TRAM2: variants seen among roughly 807,000 people sequenced by gnomAD.
TRAM2 encodes the protein translocation associated membrane protein 2.
In TRAM2, 12 loss-of-function variants were observed where a neutral mutation model predicts 51.0. That is an observed-to-expected ratio of 0.24 (90% CI 0.15 to 0.38). The LOEUF (loss-of-function observed/expected upper bound fraction) is 0.38. TRAM2 is among the 10% of genes least tolerant of loss of function. The pLI is 1.00. For missense variants in TRAM2, 361 were observed against 462.0 expected (o/e 0.78, Z 2.00); for synonymous variants, 175 against 179.4 (o/e 0.98, Z 0.20).
intron 2 of TRAM2, chr6:52,523,201 A>T: frequency 2.9e-6 from 1 of 348,706 alleles, no homozygotes; most frequent in Non-Finnish European, 5.1e-6. Flanking sequence ...ATTATTTTGA[A>T]TTTTTTACAC....
intron 2 of TRAM2, among the ~76,000 whole-genome samples, chr6:52,518,685 C>A (rs959551091): frequency 6.6e-6 from 1 of 152,058 alleles, no homozygotes; most frequent in Non-Finnish European, 1.5e-5. Context: ...GGGAGTCAGG[C>A]ACTGAACACC....
chr6:52,561,572 G>A (rs1054969390), intron 1 of TRAM2, among the ~76,000 whole-genome samples: 13 of 149,590 alleles, frequency 8.7e-5, no homozygotes, highest in South Asian at 2.2e-4. Context: ...TGCAAGCTCC[G>A]CCTCCCGGGT....
At position 52,500,422 on chromosome 6, in the gene TRAM2, G is replaced by A. The variant is rs532984806; in HGVS notation, c.*2775C>T. ...CCAGGGAGGGTGGCAGGGGGAGGGGGGTGACAAAGTACCCTACAACTACCC... is the reference window on the plus strand; with the variant it reads ...CCAGGGAGGGTGGCAGGGGGAGGGGAGTGACAAAGTACCCTACAACTACCC... On this transcript the variant is annotated 3_prime_UTR_variant, in exon 11 of 11. Coordinates refer to ENST00000182527, the MANE Select transcript of TRAM2 (RefSeq NM_012288.4). 2.0e-5 allele frequency: 3 copies of A among 152,132 alleles called. No individual in the cohort carries two copies. Among genetic ancestry groups the A allele is most frequent in the Non-Finnish European group, 4.4e-5 (3 of 67,994 alleles). 9.4% of individuals were successfully genotyped at this position (152,132 alleles called of 1,614,324 possible).
intron 2 of TRAM2, 106 bp downstream of exon 2, chr6:52,535,677 G>T (rs1022900790): frequency 1.0e-6 from 1 of 985,162 alleles, no homozygotes. Flanking sequence ...CAGAGACTCC[G>T]TCATGGGGGA....
At chr6:52,549,518 T>C (rs1767271718) in intron 1 of TRAM2, among the ~76,000 whole-genome samples, 1 of 152,210 alleles carries the variant, frequency 6.6e-6, no homozygotes, top group African/African-American at 2.4e-5. Flanking sequence ...AATTAAACAA[T>C]TAAATTTCAT....
chr6:52,564,590 T>C (rs1210807893), intron 1 of TRAM2, among the ~76,000 whole-genome samples: 3 of 152,048 alleles, frequency 2.0e-5, no homozygotes, highest in Non-Finnish European at 2.9e-5. Context: ...GTCCCTACCC[T>C]TCCCAGAGGG....
In TRAM2 at chr6:52,570,804, C is replaced by G. The variant is rs867576633; in HGVS notation, c.120+5992G>C. ...ATCCTCCCTGCCCACCACCCCCCCC[C>G]CCACACGCACACACACTCTGCCTCC... is the stretch of plus-strand genomic sequence containing the variant. On this transcript the variant is annotated intron_variant, in intron 1 of 10. Transcript: ENST00000182527. 5.9e-3 allele frequency among the ~76,000 whole-genome samples: 491 copies of G among 83,494 alleles called. 16 individuals carry two copies. Among genetic ancestry groups the G allele is most frequent in the African/African-American group, 0.019 (465 of 24,394 alleles). The allele number at this position is 83,494 out of a possible 152,430, so 54.8% of individuals were successfully genotyped here.
intron 2 of TRAM2, among the ~76,000 whole-genome samples, chr6:52,534,365 G>T (rs938940513): frequency 3.3e-5 from 5 of 152,188 alleles, no homozygotes; most frequent in African/African-American, 4.8e-5. Context: ...TGGGCAACAA[G>T]AGTGAAACTC....
intron 1 of TRAM2, among the ~76,000 whole-genome samples, chr6:52,554,660 A>G (rs1234756603): frequency 2.0e-5 from 3 of 152,136 alleles, no homozygotes; most frequent in Non-Finnish European, 2.9e-5. Context: ...AAATTTTTCA[A>G]ATTTTCACCA....
chr6:52,554,857 CTCCCAGCCTCAAAT>C (rs1767375897), intron 1 of TRAM2, among the ~76,000 whole-genome samples: 1 of 150,802 alleles, frequency 6.6e-6, no homozygotes, highest in Non-Finnish European at 1.5e-5. Flanking sequence ...CAGCCTCAAC[CTCCCAGCCTCAAAT>C]GATCCTCCTA....
intron 9 of TRAM2, 90 bp from the exon 10 acceptor site, chr6:52,504,844 C>T: frequency 8.0e-7 from 1 of 1,243,454 alleles, no homozygotes; most frequent in Non-Finnish European, 1.1e-6. Context: ...GCCAGGGGCC[C>T]TGCAGTTCCC....
rs1240366167 is a variant in TRAM2 at position 52,519,913 on chromosome 6, TGATTCG to T, written c.185-3182_185-3177del. Among the ~76,000 whole-genome samples the T allele has an allele frequency of 2.0e-5, 3 of 152,112 alleles. No homozygotes were observed. The East Asian group carries it at 5.8e-4, about 29-fold the overall frequency. ...CAGTCACAAAAGGACAAATACTGTATGATTCGATTTATATATGAGTTACCTAGACTA... is the reference window on the plus strand; with the variant it reads ...CAGTCACAAAAGGACAAATACTGTATATTTATATATGAGTTACCTAGACTA... On this transcript the variant is annotated intron_variant, in intron 2 of 10. Transcript: ENST00000182527.
intron 1 of TRAM2, among the ~76,000 whole-genome samples, chr6:52,572,980 T>C (rs757404333): frequency 6.6e-6 from 1 of 152,130 alleles, no homozygotes; most frequent in Non-Finnish European, 1.5e-5. Flanking sequence ...CCCTCAACCT[T>C]TAAGTCATCA....
chr6:52,505,802 C>G, intron 8 of TRAM2, 60 bp from the exon 9 acceptor site: 1 of 1,546,190 alleles, frequency 6.5e-7, no homozygotes, highest in South Asian at 1.2e-5. Flanking sequence ...AATCTTCACC[C>G]ACTTCTCCAG....
At chr6:52,527,871 T>G (rs3789770) in intron 2 of TRAM2, among the ~76,000 whole-genome samples, 2 of 151,986 alleles carry the variant, frequency 1.3e-5, no homozygotes, top group East Asian at 3.8e-4. Context: ...CTTAATAAGT[T>G]TTAGTTATTG....
intron 2 of TRAM2, among the ~76,000 whole-genome samples, chr6:52,518,299 A>G (rs1434829360): frequency 6.6e-6 from 1 of 152,152 alleles, no homozygotes; most frequent in African/African-American, 2.4e-5. Context: ...AGCATCCACA[A>G]AGAATGAAGG....
intron 2 of TRAM2, among the ~76,000 whole-genome samples, chr6:52,526,152 GAC>G (rs775593303): frequency 0.095 from 2,727 of 28,642 alleles, 33 homozygotes; most frequent in South Asian, 0.13. Flanking sequence ...CACACAGACA[GAC>G]ACACACACAC....
At chr6:52,505,314 TGA>T (rs1384012503) in intron 9 of TRAM2, among the ~76,000 whole-genome samples, 1 of 152,168 alleles carries the variant, frequency 6.6e-6, no homozygotes, top group Non-Finnish European at 1.5e-5. Flanking sequence ...TGATATCAAC[TGA>T]GAGACTGGGT....
intron 2 of TRAM2, 38 bp from the exon 3 acceptor site, chr6:52,516,775 G>A (rs750329642): frequency 4.0e-6 from 6 of 1,513,692 alleles, no homozygotes; most frequent in Non-Finnish European, 5.5e-6. Flanking sequence ...CATCCCTGGG[G>A]GAAGGAAATA....
Sources: allele counts gnomAD v4.1 joint callset (sites outside exome capture counted in the v4.1 genomes callset), GRCh38; gene constraint gnomAD v4.1.1; transcripts MANE v1.5; gene names NCBI Gene and HGNC (gene_info 2026-07-23, HGNC 2026-07-21).